Variants in TMEM74 observed in about 807,000 individuals in gnomAD.
TMEM74 encodes transmembrane protein 74.
Under a neutral mutation model 18.1 loss-of-function variants are expected in TMEM74, and 13 were observed. The ratio of observed to expected loss-of-function variants is 0.72; its 90% CI spans 0.47 to 1.14. The LOEUF (loss-of-function observed/expected upper bound fraction) is 1.14. Among genes scored for constraint, TMEM74 ranks in the 50% most tolerant of loss-of-function variants. The pLI is 0.00. For missense variants in TMEM74, 372 were observed against 375.9 expected, an observed-to-expected ratio of 0.99 and a Z score of 0.09; for synonymous variants, 159 against 146.6, an observed-to-expected ratio of 1.08 and a Z score of -0.61.
chr8:108,747,469 A>G (rs1586282582), intron 1 of TMEM74, among the ~76,000 whole-genome samples: 1 of 152,072 alleles, frequency 6.6e-6, no homozygotes, highest in Non-Finnish European at 1.5e-5. Flanking sequence ...ACAGAGAAGT[A>G]TGTACCACTT....
intron 2 of TMEM74, among the ~76,000 whole-genome samples, chr8:108,631,016 G>A (rs761514713): frequency 6.6e-6 from 1 of 151,846 alleles, no homozygotes; most frequent in African/African-American, 2.4e-5. Context: ...AAATAGACAT[G>A]GAAATTCACT....
At chr8:108,751,459 T>C (rs77623461) in intron 1 of TMEM74, among the ~76,000 whole-genome samples, 2,706 of 152,104 alleles carry the variant, frequency 0.018, 89 homozygotes, top group African/African-American at 0.061. Context: ...CCAAATAATG[T>C]CAAGATTATA....
intron 1 of TMEM74, among the ~76,000 whole-genome samples, chr8:108,715,858 T>A (rs920248025): frequency 1.3e-5 from 2 of 152,016 alleles, no homozygotes; most frequent in African/African-American, 4.8e-5. Flanking sequence ...TGCAAATATT[T>A]ATGAGACAAG....
chr8:108,685,341 A>G lies in TMEM74; in HGVS notation n.120-29904T>C, dbSNP rs137936026. On this transcript the variant is annotated intron_variant and non_coding_transcript_variant, in intron 1 of 3. Coordinates refer to the TMEM74 transcript ENST00000518838. ...TTTACCCATTCTAATAAGTTTTGGTAGAATATTTAAGTTTTTCTATATGTA... is the reference window on the plus strand; with the variant it reads ...TTTACCCATTCTAATAAGTTTTGGTGGAATATTTAAGTTTTTCTATATGTA... Among the ~76,000 whole-genome samples, 17 of 152,196 alleles carry G rather than the reference A, an allele frequency of 1.1e-4. No individual in the cohort carries two copies. In the East Asian group the frequency reaches 3.3e-3, roughly 29 times the overall value.
At chr8:108,762,884 C>G (rs758846293) in intron 1 of TMEM74, among the ~76,000 whole-genome samples, 1 of 151,982 alleles carries the variant, frequency 6.6e-6, no homozygotes, top group Non-Finnish European at 1.5e-5. Flanking sequence ...TATTTAAAAA[C>G]AAAACAAAAC....
At chr8:108,617,562 C>T (rs911045441) in intron 2 of TMEM74, among the ~76,000 whole-genome samples, 1 of 151,958 alleles carries the variant, frequency 6.6e-6, no homozygotes, top group Non-Finnish European at 1.5e-5. Flanking sequence ...TTGAAGGCTT[C>T]TTGGTTTTAT....
At chr8:108,721,442 A>G (rs1386372493) in intron 1 of TMEM74, among the ~76,000 whole-genome samples, 2 of 152,198 alleles carry the variant, frequency 1.3e-5, no homozygotes, top group African/African-American at 4.8e-5. Flanking sequence ...TTCTCTAAAT[A>G]CTTTCCATTC....
intron 1 of TMEM74, among the ~76,000 whole-genome samples, chr8:108,715,650 C>A (rs562847637): frequency 6.6e-6 from 1 of 151,738 alleles, no homozygotes; most frequent in Non-Finnish European, 1.5e-5. Context: ...CATTAAAAAG[C>A]GAATGCACAC....
chr8:108,618,725 C>T (rs1440616565), intron 2 of TMEM74, among the ~76,000 whole-genome samples: 2 of 152,166 alleles, frequency 1.3e-5, no homozygotes, highest in Admixed American at 6.6e-5. Flanking sequence ...ACTTTCTCAG[C>T]TCTGAGAGGA....
chr8:108,785,062 C>T lies in TMEM74; in HGVS notation c.37G>A (p.Ala13Thr), dbSNP rs138855660. ...CAGTCCCTGGCATCACAGAGGTCTG[C>T]CTGGTTGCTCTTCTTAGCAAGGTAG... Reference protein sequence around the residue: ...LHYLAKKSNQADLCDARDWSS... With the variant: ...LHYLAKKSNQTDLCDARDWSS... The change falls in exon 2 of 2, where the codon GCA becomes ACA. Residue 13 changes from alanine (A) to threonine (T), a missense_variant. Physicochemically the swap from Ala to Thr is moderately conservative, Grantham distance 58. Transcript: ENST00000297459. The T allele has an allele frequency of 2.5e-6, 4 of 1,611,230 alleles. No homozygotes were observed. The highest frequency in any genetic ancestry group is 2.7e-5 in the African/African-American group (2 of 74,768).
chr8:108,621,197 G>A (rs137870773), intron 2 of TMEM74, among the ~76,000 whole-genome samples: 2 of 152,270 alleles, frequency 1.3e-5, no homozygotes, highest in African/African-American at 4.8e-5. Context: ...AGTGAAACAG[G>A]GAAGTGTGAA....
intron 1 of TMEM74, among the ~76,000 whole-genome samples, chr8:108,706,940 T>G (rs73307843): frequency 2.0e-5 from 3 of 152,128 alleles, no homozygotes; most frequent in African/African-American, 4.8e-5. Context: ...CTAGAGGCTT[T>G]GGACAGCCAT....
chr8:108,740,240 G>A (rs1327178570), intron 1 of TMEM74, among the ~76,000 whole-genome samples: 1 of 152,086 alleles, frequency 6.6e-6, no homozygotes, highest in Non-Finnish European at 1.5e-5. Context: ...TGGCTAACAT[G>A]GGGTTTCTCA....
chr8:108,721,090 C>T (rs548505823), intron 1 of TMEM74, among the ~76,000 whole-genome samples: 12 of 152,136 alleles, frequency 7.9e-5, no homozygotes, highest in Admixed American at 2.0e-4. Context: ...TTTAAATACC[C>T]ACTTCTGAGA....
intron 2 of TMEM74, among the ~76,000 whole-genome samples, chr8:108,649,409 A>T (rs926378501): frequency 7.9e-5 from 12 of 152,172 alleles, no homozygotes; most frequent in African/African-American, 2.4e-4. Context: ...AAAGACAGTA[A>T]TATGAGAAGT....
chr8:108,735,557 C>T (rs1453819100), intron 1 of TMEM74, among the ~76,000 whole-genome samples: 2 of 152,154 alleles, frequency 1.3e-5, no homozygotes, highest in African/African-American at 4.8e-5. Context: ...CTCTTTATGG[C>T]TAAATAATAT....
At chr8:108,652,880 G>A in intron 2 of TMEM74, 1 of 504,980 alleles carries the variant, frequency 2.0e-6, no homozygotes, top group Non-Finnish European at 3.9e-6. Flanking sequence ...TTTTGGATCT[G>A]CCTCACTGGA....
intron 1 of TMEM74, among the ~76,000 whole-genome samples, chr8:108,707,382 T>C (rs1813427203): frequency 6.6e-6 from 1 of 151,870 alleles, no homozygotes; most frequent in Admixed American, 6.5e-5. Context: ...TCTTCCAAAT[T>C]ACTTGGATTG....
In TMEM74 at chr8:108,781,590, T is replaced by C. The variant is rs1254552667; in HGVS notation, c.*2591A>G. Among the ~76,000 whole-genome samples, 3 of 152,190 alleles carry C rather than the reference T, an allele frequency of 2.0e-5. No individual in the cohort carries two copies. Among genetic ancestry groups the C allele is most frequent in the African/African-American group, 4.8e-5 (2 of 41,436 alleles). On this transcript the variant is annotated 3_prime_UTR_variant, in exon 2 of 2. Coordinates refer to ENST00000297459, the MANE Select transcript of TMEM74 (RefSeq NM_153015.3). Reference sequence around the variant, plus strand: ...TCAGATGATTTTCAAAATCATGTAATGTGTAATGGTTTGCCCTCAGATAAG... The same window carrying C: ...TCAGATGATTTTCAAAATCATGTAACGTGTAATGGTTTGCCCTCAGATAAG...
Sources: gnomAD v4.1 joint callset for allele counts (sites outside exome capture counted in the v4.1 genomes callset) on GRCh38, gnomAD v4.1.1 for gene constraint, MANE v1.5 for transcripts, NCBI Gene and HGNC (gene_info 2026-07-23, HGNC 2026-07-21) for gene names.